GALK2: variants seen among roughly 807,000 people sequenced by gnomAD.
GALK2 encodes the protein N-acetylgalactosamine kinase.
In GALK2, 36 loss-of-function variants were observed where a neutral mutation model predicts 52.4. The observed-to-expected ratio is 0.69, with a 90% CI of 0.53 to 0.91. The LOEUF (loss-of-function observed/expected upper bound fraction) is 0.91. Ranked by LOEUF, GALK2 falls within the 40% of genes least tolerant of loss-of-function variation. The probability of loss-of-function intolerance (pLI) is 0.00; values close to 1 mark genes in which losing one functional copy is unlikely to be tolerated. For synonymous variants in GALK2, 176 were observed against 199.1 expected, an observed-to-expected ratio of 0.88 and a Z score of 0.98; for missense variants, 579 against 559.1, an observed-to-expected ratio of 1.04 and a Z score of -0.36.
chr15:49,328,016 G>C lies in GALK2; in HGVS notation c.1234G>C (p.Val412Leu). ...ATGGGGAGGCTGCACAGTATCAATG[G>C]TACCTGCGGACAAGCTGCCCAGCTT... ...AGWGGCTVSM[V>L]PADKLPSFLA... Residue 412 changes from valine (V) to leucine (L), a missense_variant, in exon 10 of 10, where the codon GTA (valine) becomes CTA (leucine). Coordinates refer to ENST00000560031, the MANE Select transcript of GALK2 (RefSeq NM_002044.4). 6 of 1,613,942 alleles carry C rather than the reference G, an allele frequency of 3.7e-6. No homozygotes were observed. Among genetic ancestry groups the C allele is most frequent in the Non-Finnish European group, 5.1e-6 (6 of 1,179,848 alleles).
chr15:49,178,701 G>C, intron 1 of GALK2: 1 of 217,190 alleles, frequency 4.6e-6, no homozygotes, highest in South Asian at 8.2e-5. Context: ...TCAGACTGCT[G>C]CTTCCTCCAC....
intron 9 of GALK2, among the ~76,000 whole-genome samples, chr15:49,320,175 T>G (rs756582389): frequency 2.0e-5 from 3 of 152,142 alleles, no homozygotes; most frequent in Non-Finnish European, 4.4e-5. Context: ...TGCCAGAAAC[T>G]CCTGTCCAGT....
chr15:49,306,302 A>G (rs1352229162), intron 8 of GALK2, among the ~76,000 whole-genome samples: 1 of 152,048 alleles, frequency 6.6e-6, no homozygotes, highest in African/African-American at 2.4e-5. Context: ...CTACTTTTTC[A>G]TCATTTTGGG....
At chr15:49,189,466 CTA>C (rs1428578772) in intron 1 of GALK2, among the ~76,000 whole-genome samples, 2 of 152,046 alleles carry the variant, frequency 1.3e-5, no homozygotes, top group African/African-American at 4.8e-5. Context: ...GTACCGAATC[CTA>C]TATATGCTAT....
In GALK2 at chr15:49,226,113, C is replaced by G. The variant is rs1414384239; in HGVS notation, c.266+8800C>G. On this transcript the variant is annotated intron_variant, in intron 3 of 9. Transcript: ENST00000560031. ...AGCGTTGGGGGATGGGCACCTATGG[C>G]TGTATTCTGCTTGCGGCTGTCATGT... 2.0e-5 allele frequency among the ~76,000 whole-genome samples: 3 copies of G among 152,182 alleles called. No individual in the cohort carries two copies. In the South Asian group the frequency reaches 6.2e-4, roughly 32 times the overall value.
intron 3 of GALK2, among the ~76,000 whole-genome samples, chr15:49,342,047 C>G (rs549019939): frequency 1.3e-5 from 2 of 152,154 alleles, no homozygotes; most frequent in Non-Finnish European, 2.9e-5. Context: ...CTCTTATGTC[C>G]TATTGGTTAA....
intron 1 of GALK2, among the ~76,000 whole-genome samples, chr15:49,160,321 C>G (rs184735989): frequency 6.6e-6 from 1 of 152,118 alleles, no homozygotes; most frequent in East Asian, 1.9e-4. Flanking sequence ...CATTCAATAT[C>G]CAGTCTATAT....
intron 6 of GALK2, 115 bp from the exon 7 acceptor site, chr15:49,283,451 T>A (rs1225197150): frequency 1.2e-6 from 1 of 868,790 alleles, no homozygotes; most frequent in Non-Finnish European, 1.8e-6. Flanking sequence ...CAATAAGTAA[T>A]ATTTGAATGA....
intron 8 of GALK2, among the ~76,000 whole-genome samples, chr15:49,301,085 T>G (rs1425355744): frequency 1.3e-5 from 2 of 152,184 alleles, no homozygotes; most frequent in Non-Finnish European, 2.9e-5. Flanking sequence ...CTTGTTTGTC[T>G]GGATATGAAA....
chr15:49,239,388 A>G, intron 5 of GALK2, 21 bp downstream of exon 5: 2 of 1,605,606 alleles, frequency 1.2e-6, no homozygotes, highest in Non-Finnish European at 1.7e-6. Context: ...TTGATAGGAA[A>G]CCTCATAGAA....
intron 5 of GALK2, among the ~76,000 whole-genome samples, chr15:49,258,788 A>ATGTGTGTGTGTG (rs1468439517): frequency 1.3e-4 from 15 of 113,610 alleles, no homozygotes; most frequent in South Asian, 9.9e-4. Context: ...ATATATATAT[A>ATGTGTGTGTGTG]TATATATGTG....
intron 3 of GALK2, among the ~76,000 whole-genome samples, chr15:49,337,507 ACTTTTTT>A (rs1366542274): frequency 0.029 from 657 of 22,962 alleles, 8 homozygotes; most frequent in African/African-American, 0.11. Context: ...TCATTTACCC[ACTTTTTT>A]TTTTTTTTTT....
chr15:49,212,533 C>T (rs1023151198), intron 2 of GALK2, among the ~76,000 whole-genome samples: 1 of 151,882 alleles, frequency 6.6e-6, no homozygotes, highest in African/African-American at 2.4e-5. Context: ...AATTCTTTTC[C>T]TCTACTAATT....
intron 5 of GALK2, among the ~76,000 whole-genome samples, chr15:49,272,395 G>A (rs2030820966): frequency 6.6e-6 from 1 of 152,056 alleles, no homozygotes; most frequent in African/African-American, 2.4e-5. Context: ...TGTCATGTAG[G>A]AAATCATTTA....
chr15:49,228,660 G>GATGTATATAT (rs2090280907), intron 3 of GALK2, among the ~76,000 whole-genome samples: 3 of 14,210 alleles, frequency 2.1e-4, no homozygotes, highest in African/African-American at 1.4e-3. Flanking sequence ...GTCTTTCACT[G>GATGTATATAT]ATATATATAT....
chr15:49,173,174 G>T (rs1417807938), intron 1 of GALK2, among the ~76,000 whole-genome samples: 2 of 151,946 alleles, frequency 1.3e-5, no homozygotes, highest in East Asian at 1.9e-4. Flanking sequence ...TGTTTTTTTG[G>T]TGACTGGCTT....
chr15:49,300,344 G>A (rs1159077106), intron 8 of GALK2, among the ~76,000 whole-genome samples: 2 of 151,932 alleles, frequency 1.3e-5, no homozygotes, highest in Non-Finnish European at 2.9e-5. Context: ...CATGTGAGAT[G>A]AGTCTCTTCA....
intron 3 of GALK2, among the ~76,000 whole-genome samples, chr15:49,362,481 G>A (rs1187047539): frequency 6.6e-6 from 1 of 151,328 alleles, no homozygotes; most frequent in African/African-American, 2.4e-5. Context: ...CTTTATAGCA[G>A]CATGAAAACC....
At chr15:49,315,707 CACCTTCAGAATG>C (rs2036350231) in intron 8 of GALK2, among the ~76,000 whole-genome samples, 1 of 152,188 alleles carries the variant, frequency 6.6e-6, no homozygotes, top group Admixed American at 6.5e-5. Context: ...ATCTCTCATG[CACCTTCAGAATG>C]CCCAGCAAGA....
Sources: allele counts gnomAD v4.1 joint callset (sites outside exome capture counted in the v4.1 genomes callset), GRCh38; gene constraint gnomAD v4.1.1; transcripts MANE v1.5; gene names NCBI Gene and HGNC (gene_info 2026-07-23, HGNC 2026-07-21).